Variants in CORIN observed in about 807,000 individuals in gnomAD.
The protein encoded by CORIN is atrial natriuretic peptide-converting enzyme.
In CORIN, 117 loss-of-function variants were observed where a neutral mutation model predicts 125.3. The ratio of observed to expected loss-of-function variants is 0.93; its 90% CI spans 0.80 to 1.09. The LOEUF is 1.09. CORIN is among the 50% of genes least tolerant of loss of function. The pLI, the probability that CORIN is intolerant of heterozygous loss-of-function variation, is 0.00. For missense variants in CORIN, 1,253 were observed against 1,306.7 expected (o/e 0.96, Z 0.63); for synonymous variants, 450 against 466.4 (o/e 0.96, Z 0.45).
chr4:47,606,784 C>T (rs1382746955), intron 19 of CORIN, among the ~76,000 whole-genome samples: 3 of 151,358 alleles, frequency 2.0e-5, no homozygotes, highest in African/African-American at 4.9e-5. Context: ...TTCTTTCTCT[C>T]GTTCCTTCCT....
At chr4:47,714,796 A>G (rs981434708) in intron 5 of CORIN, among the ~76,000 whole-genome samples, 1 of 152,228 alleles carries the variant, frequency 6.6e-6, no homozygotes, top group South Asian at 2.1e-4. Context: ...GAAGAAGTTA[A>G]CAGATTTTTT....
intron 3 of CORIN, among the ~76,000 whole-genome samples, chr4:47,778,266 T>C (rs1730386582): frequency 6.6e-6 from 1 of 152,196 alleles, no homozygotes; most frequent in Admixed American, 6.5e-5. Flanking sequence ...TAATATGGCA[T>C]AAACATATAA....
chr4:47,632,446 C>T (rs887708346), intron 16 of CORIN: 1 of 152,132 alleles, frequency 6.6e-6, no homozygotes, highest in Non-Finnish European at 1.5e-5. Context: ...GTCATATTCT[C>T]CCTGTTTGGG....
Position 47,595,903 on chromosome 4 carries a change from C to T in CORIN, c.2947G>A (p.Gly983Ser), listed in dbSNP as rs1029453560. The part of the protein sequence containing the change: ...YESGTVDSCM[G>S]DSGGPLVCEK... ...CAAACAAGAGGCCCACCGCTGTCAC[C>T]CTGCAATAAGTAACGATGGGAGTTA... Residue 983 changes from glycine to serine, a missense_variant and splice_region_variant, in exon 22 of 22, where the codon GGT becomes AGT. Coordinates refer to ENST00000273857, the MANE Select transcript of CORIN (RefSeq NM_006587.4). 1 of 1,606,756 alleles carries T rather than the reference C, an allele frequency of 6.2e-7. No individual in the cohort carries two copies. The highest frequency in any genetic ancestry group is 8.5e-7 in the Non-Finnish European group (1 of 1,177,626).
intron 16 of CORIN, among the ~76,000 whole-genome samples, chr4:47,632,931 C>T (rs1264992397): frequency 6.6e-6 from 1 of 152,082 alleles, no homozygotes; most frequent in Non-Finnish European, 1.5e-5. Context: ...CAGGCTCATG[C>T]GACCACGCCC....
intron 1 of CORIN, among the ~76,000 whole-genome samples, chr4:47,823,590 T>G (rs1372338641): frequency 6.6e-6 from 1 of 152,188 alleles, no homozygotes; most frequent in Non-Finnish European, 1.5e-5. Flanking sequence ...ATATCTATCT[T>G]TACACATTGA....
In CORIN at chr4:47,631,344, A is replaced by C. The variant is rs7695074; in HGVS notation, c.2199-4823T>G. ...TCTGTGTTTACAGCTGCTCACCATC[A>C]CAGGCATTACTGCCTGAGCTCCGCC... On this transcript the variant is annotated intron_variant, in intron 16 of 21. Transcript: ENST00000273857. 3.0e-3 allele frequency among the ~76,000 whole-genome samples: 453 copies of C among 152,234 alleles called. 3 individuals are homozygous for C. The highest frequency in any genetic ancestry group is 0.011 in the African/African-American group (439 of 41,538).
rs1301207396 is a variant in CORIN at position 47,594,299 on chromosome 4, T to A, written c.*1422A>T. 1 of 152,528 alleles carries A rather than the reference T, an allele frequency of 6.6e-6. No homozygotes were observed. The highest frequency in any genetic ancestry group is 1.5e-5 in the Non-Finnish European group (1 of 68,000). 9.4% of individuals were successfully genotyped at this position (152,528 alleles called of 1,614,324 possible). A position where few individuals can be genotyped will look rare whatever the true frequency, so the allele number is the denominator to read the frequency against. ...CACACAGAAAAGATACAAAAATACATGTATAAAATTGCAGGTAGTATCTAT... is the reference window on the plus strand; with the variant it reads ...CACACAGAAAAGATACAAAAATACAAGTATAAAATTGCAGGTAGTATCTAT... On this transcript the variant is annotated 3_prime_UTR_variant, in exon 22 of 22. Coordinates refer to ENST00000273857, the MANE Select transcript of CORIN (RefSeq NM_006587.4).
chr4:47,833,239 T>C (rs1733149808), intron 1 of CORIN, among the ~76,000 whole-genome samples: 1 of 151,040 alleles, frequency 6.6e-6, no homozygotes, highest in Non-Finnish European at 1.5e-5. Flanking sequence ...AGAAGAGAGA[T>C]CCCAGAAATA....
At chr4:47,787,838 C>G (rs1249718827) in intron 2 of CORIN, among the ~76,000 whole-genome samples, 1 of 152,212 alleles carries the variant, frequency 6.6e-6, no homozygotes, top group Non-Finnish European at 1.5e-5. Flanking sequence ...CATTCTTATG[C>G]CTTTGCATCC....
At chr4:47,652,261 A>G (rs1315622061) in intron 13 of CORIN, among the ~76,000 whole-genome samples, 1 of 152,190 alleles carries the variant, frequency 6.6e-6, no homozygotes, top group Non-Finnish European at 1.5e-5. Context: ...GAAGTTTTCC[A>G]GAAGATGCAT....
At chr4:47,626,675 T>C (rs1303392291) in intron 16 of CORIN, among the ~76,000 whole-genome samples, 154 bp from the exon 17 acceptor site, 1 of 152,226 alleles carries the variant, frequency 6.6e-6, no homozygotes, top group African/African-American at 2.4e-5. Flanking sequence ...TTGTTAGAGC[T>C]GTTTTAGTCA....
rs1456551194 is a variant in CORIN, at chr4:47,763,546, C to T, written c.450G>A (p.Leu150=). 6.2e-7 allele frequency: 1 copy of T among 1,614,158 alleles called. No individual in the cohort carries two copies. The highest frequency in any genetic ancestry group is 1.1e-5 in the South Asian group (1 of 91,082). ...GAGGTGTCAGCGTGGCGTGGTAGGGCAGCATCTGACACTGGCTGTGGGTGA... is the reference window on the plus strand; with the variant it reads ...GAGGTGTCAGCGTGGCGTGGTAGGGTAGCATCTGACACTGGCTGTGGGTGA... ...MNITHSQCQM[L]PYHATLTPLL... Residue 150 remains leucine, a synonymous_variant, in exon 4 of 22, where the codon CTG becomes CTA. Transcript: ENST00000273857.
At chr4:47,731,980 G>T (rs1727897248) in intron 5 of CORIN, among the ~76,000 whole-genome samples, 1 of 152,178 alleles carries the variant, frequency 6.6e-6, no homozygotes, top group Non-Finnish European at 1.5e-5. Flanking sequence ...TGGGGACAAA[G>T]GAGTTTTTCT....
intron 17 of CORIN, among the ~76,000 whole-genome samples, chr4:47,625,077 T>C (rs962228080): frequency 3.9e-5 from 6 of 152,100 alleles, no homozygotes; most frequent in African/African-American, 1.4e-4. Flanking sequence ...TCTATTACAT[T>C]ATTCTAAATT....
chr4:47,669,258 T>C (rs1326585381), intron 10 of CORIN, among the ~76,000 whole-genome samples: 1 of 152,230 alleles, frequency 6.6e-6, no homozygotes, highest in Non-Finnish European at 1.5e-5. Context: ...AATGGTGTTA[T>C]ATCGTTATGA....
At chr4:47,651,925 C>T (rs956939098) in intron 13 of CORIN, among the ~76,000 whole-genome samples, 1 of 152,082 alleles carries the variant, frequency 6.6e-6, no homozygotes, top group African/African-American at 2.4e-5. Context: ...TTTAACTAAG[C>T]TTTTGTATTT....
chr4:47,652,182 C>T (rs1443251955), intron 13 of CORIN, among the ~76,000 whole-genome samples: 1 of 152,124 alleles, frequency 6.6e-6, no homozygotes, highest in African/African-American at 2.4e-5. Context: ...ACAACAGTAG[C>T]TTCTAAAAAC....
Position 47,678,049 on chromosome 4 carries a change from G to T in CORIN, c.1138C>A (p.His380Asn). 1 of 1,608,350 alleles carries T rather than the reference G, an allele frequency of 6.2e-7. No homozygotes were observed. The highest frequency in any genetic ancestry group is 8.5e-7 in the Non-Finnish European group (1 of 1,174,752). ...DKSDEVNCSCHSQGLVECRNG... is the reference protein window; with the variant it reads ...DKSDEVNCSCNSQGLVECRNG... ...CTGCATTCCACCAGACCCTGGCTGTGACAGGCTAGGAAGGACCATAACAAT... is the reference window on the plus strand; with the variant it reads ...CTGCATTCCACCAGACCCTGGCTGTTACAGGCTAGGAAGGACCATAACAAT... Residue 380 changes from histidine (H) to asparagine (N), a missense_variant, in exon 9 of 22, where the codon CAC becomes AAC. By Grantham distance (68) the His-to-Asn change is moderately conservative. Transcript: ENST00000273857.
Sources: allele counts gnomAD v4.1 joint callset (sites outside exome capture counted in the v4.1 genomes callset), GRCh38; gene constraint gnomAD v4.1.1; transcripts MANE v1.5; gene names NCBI Gene and HGNC (gene_info 2026-07-23, HGNC 2026-07-21).